Variants in NRG3 observed in about 807,000 individuals in gnomAD.
The protein encoded by NRG3 is neuregulin 3, also known as pro-neuregulin-3, membrane-bound isoform.
Under a neutral mutation model 66.9 loss-of-function variants are expected in NRG3, and 31 were observed. The observed-to-expected ratio is 0.46, with a 90% CI of 0.35 to 0.63. The LOEUF (loss-of-function observed/expected upper bound fraction) is 0.63, where lower values mean the gene tolerates loss of function less well. Among genes scored for constraint, NRG3 ranks in the 20% least tolerant of loss-of-function variants. The pLI is 0.00. For missense variants in NRG3, 910 were observed against 878.9 expected (o/e 1.04, Z -0.45); for synonymous variants, 393 against 359.4 (o/e 1.09, Z -1.06).
intron 1 of NRG3, among the ~76,000 whole-genome samples, chr10:82,238,992 T>G (rs2133974622): frequency 6.7e-6 from 1 of 149,208 alleles, no homozygotes; most frequent in African/African-American, 2.5e-5. Context: ...CATAAAGATA[T>G]TTTCTCATGG....
intron 3 of NRG3, among the ~76,000 whole-genome samples, chr10:82,810,579 G>A (rs370582294): frequency 2.6e-5 from 4 of 151,620 alleles, no homozygotes; most frequent in East Asian, 2.0e-4. Context: ...CCTGGCCAAC[G>A]TGGTGAAACC....
chr10:82,052,680 C>G (rs1007308283), intron 1 of NRG3, among the ~76,000 whole-genome samples: 2 of 152,010 alleles, frequency 1.3e-5, no homozygotes, highest in African/African-American at 4.8e-5. Flanking sequence ...AAACTAATAG[C>G]GTGTAGCTTA....
chr10:82,317,780 G>A (rs149891950), intron 1 of NRG3, among the ~76,000 whole-genome samples: 12 of 152,280 alleles, frequency 7.9e-5, no homozygotes, highest in Admixed American at 2.6e-4. Context: ...AGTTAAGGAC[G>A]GATCCTGGGA....
chr10:81,884,095 C>G (rs930733549), intron 1 of NRG3, among the ~76,000 whole-genome samples: 3 of 152,156 alleles, frequency 2.0e-5, no homozygotes, highest in Non-Finnish European at 4.4e-5. Flanking sequence ...ATATAATTTG[C>G]CTAGGACTTG....
intron 2 of NRG3, among the ~76,000 whole-genome samples, chr10:82,644,966 C>T (rs750615584): frequency 1.3e-5 from 2 of 152,094 alleles, no homozygotes; most frequent in Non-Finnish European, 2.9e-5. Context: ...CTCTACTAGA[C>T]GATGAAGTAA....
chr10:82,723,558 T>C (rs966815478), intron 2 of NRG3, among the ~76,000 whole-genome samples: 5 of 152,152 alleles, frequency 3.3e-5, no homozygotes, highest in African/African-American at 2.4e-5. Flanking sequence ...TGATAAAACA[T>C]TTTGCCAATA....
intron 4 of NRG3, among the ~76,000 whole-genome samples, chr10:82,875,990 A>G (rs1841786169): frequency 6.6e-6 from 1 of 152,236 alleles, no homozygotes; most frequent in African/African-American, 2.4e-5. Flanking sequence ...TGATACAACC[A>G]AAAGATGTAT....
At chr10:82,398,792 A>G (rs7095137) in intron 2 of NRG3, among the ~76,000 whole-genome samples, 62,471 of 151,838 alleles carry the variant, frequency 0.41, 15,936 homozygotes, top group African/African-American at 0.72. Flanking sequence ...AAATTCCGCC[A>G]GTGATCATTC....
intron 2 of NRG3, among the ~76,000 whole-genome samples, chr10:82,677,178 A>G (rs1591130690): frequency 6.6e-6 from 1 of 151,100 alleles, no homozygotes; most frequent in African/African-American, 2.4e-5. Context: ...CAGCTTTGCT[A>G]GTAGCTGGGA....
chr10:82,237,243 C>T (rs922377011), intron 1 of NRG3, among the ~76,000 whole-genome samples: 2 of 152,116 alleles, frequency 1.3e-5, no homozygotes, highest in Non-Finnish European at 2.9e-5. Flanking sequence ...TATTTTCTGC[C>T]TCAGCACTTT....
Position 82,548,039 on chromosome 10 carries a change from G to GTTT in NRG3, c.953+189188_953+189190dup, listed in dbSNP as rs57096412. 7.4e-3 allele frequency among the ~76,000 whole-genome samples: 896 copies of GTTT among 120,994 alleles called. 13 individuals carry two copies. Among genetic ancestry groups the GTTT allele is most frequent in the African/African-American group, 0.02 (722 of 35,692 alleles). The allele number at this position is 120,994 out of a possible 152,430, so 79.4% of individuals were successfully genotyped here. A position where few individuals can be genotyped will look rare whatever the true frequency, so the allele number is the denominator to read the frequency against. ...CAAAAAAAGAAGTGACTCATGCCAC[G>GTTT]TTTTTTTTTTTTTTTTTTTAAATCA... On this transcript the variant is annotated intron_variant, in intron 2 of 8. Coordinates refer to ENST00000372141, the MANE Select transcript of NRG3 (RefSeq NM_001010848.4).
At chr10:81,876,784 A>T (rs1385021980) in intron 1 of NRG3, among the ~76,000 whole-genome samples, 1 of 152,160 alleles carries the variant, frequency 6.6e-6, no homozygotes, top group African/African-American at 2.4e-5. Context: ...GATCCAAGGC[A>T]AAGGGCTAAA....
At chr10:82,423,536 C>A (rs1262825466) in intron 2 of NRG3, among the ~76,000 whole-genome samples, 1 of 151,712 alleles carries the variant, frequency 6.6e-6, no homozygotes, top group African/African-American at 2.4e-5. Context: ...ATCAAAATGG[C>A]AATTTTTTTT....
chr10:81,962,179 G>C (rs1379428977), intron 1 of NRG3, among the ~76,000 whole-genome samples: 1 of 152,154 alleles, frequency 6.6e-6, no homozygotes, highest in Non-Finnish European at 1.5e-5. Flanking sequence ...GCCATGTATT[G>C]TATGGCTTCA....
At chr10:82,033,250 A>G (rs2062650982) in intron 1 of NRG3, among the ~76,000 whole-genome samples, 1 of 152,184 alleles carries the variant, frequency 6.6e-6, no homozygotes, top group Admixed American at 6.5e-5. Flanking sequence ...AAATGGCTCA[A>G]TGCAAGGTTG....
intron 1 of NRG3, among the ~76,000 whole-genome samples, chr10:82,311,922 C>T (rs553296687): frequency 1.3e-4 from 20 of 152,256 alleles, no homozygotes; most frequent in Non-Finnish European, 2.2e-4. Flanking sequence ...ACCACCTCAT[C>T]GTGATTACAG....
chr10:82,601,641 G>A (rs528678351), intron 2 of NRG3, among the ~76,000 whole-genome samples: 2 of 150,704 alleles, frequency 1.3e-5, no homozygotes, highest in East Asian at 3.9e-4. Context: ...GGATATACAA[G>A]GTATTCATTT....
At chr10:82,397,857 A>C (rs2086811474) in intron 2 of NRG3, among the ~76,000 whole-genome samples, 2 of 152,164 alleles carry the variant, frequency 1.3e-5, no homozygotes, top group South Asian at 4.1e-4. Flanking sequence ...CCAGCGAGTA[A>C]AAGGCAAATA....
intron 1 of NRG3, among the ~76,000 whole-genome samples, chr10:82,092,494 C>A (rs143537148): frequency 2.3e-4 from 34 of 150,060 alleles, no homozygotes; most frequent in African/African-American, 8.0e-4. Flanking sequence ...GATTCCCAAT[C>A]TTCAGTCATC....
Sources: gnomAD v4.1 joint callset for allele counts (sites outside exome capture counted in the v4.1 genomes callset) on GRCh38, gnomAD v4.1.1 for gene constraint, MANE v1.5 for transcripts, NCBI Gene and HGNC (gene_info 2026-07-23, HGNC 2026-07-21) for gene names.